Variants in NELL1 observed in about 807,000 individuals in gnomAD.
NELL1 encodes protein kinase C-binding protein NELL1.
NELL1 carries 76 observed loss-of-function variants against 107.4 expected under a neutral mutation model. The ratio of observed to expected loss-of-function variants is 0.71; its 90% CI spans 0.59 to 0.86. The LOEUF (loss-of-function observed/expected upper bound fraction) is 0.86, where lower values mean the gene tolerates loss of function less well. NELL1 is among the 40% of genes least tolerant of loss of function. The pLI is 0.00. For missense variants in NELL1, 1,024 were observed against 1,005.5 expected (o/e 1.02, Z -0.25); for synonymous variants, 353 against 341.2 (o/e 1.03, Z -0.38).
chr11:20,983,267 T>G (rs2134246674), intron 12 of NELL1, among the ~76,000 whole-genome samples: 1 of 152,304 alleles, frequency 6.6e-6, no homozygotes, highest in East Asian at 1.9e-4. Context: ...TGGCTCGCTT[T>G]CCTTTCCTCA....
intron 2 of NELL1, among the ~76,000 whole-genome samples, chr11:20,726,505 A>G (rs12363321): frequency 0.12 from 18,215 of 151,818 alleles, 1,203 homozygotes; most frequent in Non-Finnish European, 0.15. Context: ...TGAACTTTAC[A>G]CAAGTTGAAC....
chr11:20,888,596 T>G (rs1459552814), intron 5 of NELL1, among the ~76,000 whole-genome samples: 1 of 152,166 alleles, frequency 6.6e-6, no homozygotes, highest in Non-Finnish European at 1.5e-5. Context: ...AAGACATTAA[T>G]TCTCATTACT....
At chr11:20,775,601 G>A (rs1427514364) in intron 2 of NELL1, among the ~76,000 whole-genome samples, 1 of 152,122 alleles carries the variant, frequency 6.6e-6, no homozygotes, top group Admixed American at 6.5e-5. Flanking sequence ...GGGGATGAGG[G>A]GGATGGGGAT....
At chr11:21,383,719 T>C (rs1038951343) in intron 15 of NELL1, 3 of 149,804 alleles carry the variant, frequency 2.0e-5, no homozygotes, top group African/African-American at 7.3e-5. Context: ...AAGTATGATA[T>C]TAATAAAAAG....
intron 13 of NELL1, among the ~76,000 whole-genome samples, chr11:21,177,725 C>A (rs1856742719): frequency 2.0e-5 from 3 of 151,822 alleles, no homozygotes; most frequent in Non-Finnish European, 4.4e-5. Context: ...TACTAATTTA[C>A]ATTCCTACCA....
intron 14 of NELL1, among the ~76,000 whole-genome samples, chr11:21,310,738 G>C (rs1311506118): frequency 6.6e-6 from 1 of 151,984 alleles, no homozygotes; most frequent in Non-Finnish European, 1.5e-5. Context: ...TATAGGCTAT[G>C]TATAGAATGG....
rs532783954 is a variant in NELL1, at chr11:21,394,969, A to G, written c.1645+24021A>G. On this transcript the variant is annotated intron_variant, in intron 15 of 19. Transcript: ENST00000357134. ...CTACCAATTGTAGTGGGACTCAGATAGTATGTGATTGTTTAGATTGATGAG... is the reference window on the plus strand; with the variant it reads ...CTACCAATTGTAGTGGGACTCAGATGGTATGTGATTGTTTAGATTGATGAG... 4.0e-5 allele frequency among the ~76,000 whole-genome samples: 6 copies of G among 151,598 alleles called. No individual in the cohort carries two copies. The South Asian group carries it at 1.2e-3, about 31-fold the overall frequency.
intron 15 of NELL1, among the ~76,000 whole-genome samples, chr11:21,437,577 T>C (rs1853156301): frequency 6.6e-6 from 1 of 152,222 alleles, no homozygotes; most frequent in Non-Finnish European, 1.5e-5. Context: ...CACTCTGGTC[T>C]CGAACTCCCG....
At chr11:20,713,345 T>C (rs2133898630) in intron 2 of NELL1, among the ~76,000 whole-genome samples, 1 of 152,146 alleles carries the variant, frequency 6.6e-6, no homozygotes, top group South Asian at 2.1e-4. Context: ...CTGCAGCCAC[T>C]GTGAGGGCTG....
chr11:20,822,936 TG>T (rs1029486184), intron 3 of NELL1, among the ~76,000 whole-genome samples: 1 of 152,108 alleles, frequency 6.6e-6, no homozygotes, highest in Non-Finnish European at 1.5e-5. Context: ...TAGTTTGCAG[TG>T]GGGAGCATGA....
At chr11:21,355,396 G>A (rs146666848) in intron 14 of NELL1, among the ~76,000 whole-genome samples, 45 of 152,310 alleles carry the variant, frequency 3.0e-4, no homozygotes, top group Non-Finnish European at 6.2e-4. Flanking sequence ...ACTATGCCAA[G>A]TGCTTTACAT....
rs565804529 is a variant in NELL1, at chr11:20,697,396, T to C, written c.184+19336T>C. Among the ~76,000 whole-genome samples, 1,112 of 114,254 alleles carry C rather than the reference T, an allele frequency of 9.7e-3. 11 individuals carry two copies. The highest frequency in any genetic ancestry group is 0.037 in the African/African-American group (1,042 of 28,282). 75.0% of individuals were successfully genotyped at this position (114,254 alleles called of 152,430 possible). On this transcript the variant is annotated intron_variant, in intron 2 of 19. Coordinates refer to ENST00000357134, the MANE Select transcript of NELL1 (RefSeq NM_006157.5). Reference sequence around the variant, plus strand: ...GAGTGCAAATTCTTTAATATGTTGCTTTTTTTTTTTTTTTTCCTGCCAGGA... The same window carrying C: ...GAGTGCAAATTCTTTAATATGTTGCCTTTTTTTTTTTTTTTCCTGCCAGGA...
At chr11:21,309,421 A>G (rs1849700188) in intron 14 of NELL1, among the ~76,000 whole-genome samples, 1 of 151,024 alleles carries the variant, frequency 6.6e-6, no homozygotes, top group Non-Finnish European at 1.5e-5. Flanking sequence ...TACTTCCACA[A>G]TAAGAAATGA....
At chr11:21,436,647 G>T (rs1047597181) in intron 15 of NELL1, among the ~76,000 whole-genome samples, 4 of 151,760 alleles carry the variant, frequency 2.6e-5, no homozygotes, top group Non-Finnish European at 5.9e-5. Flanking sequence ...TTTCTGCTCT[G>T]ATATTCATTA....
chr11:21,493,400 CTCCATA>C (rs1259156332), intron 15 of NELL1, among the ~76,000 whole-genome samples: 1 of 152,010 alleles, frequency 6.6e-6, no homozygotes, highest in Non-Finnish European at 1.5e-5. Context: ...AGTACTATTT[CTCCATA>C]GAAAAGAATG....
intron 15 of NELL1, among the ~76,000 whole-genome samples, chr11:21,466,197 T>G (rs945719824): frequency 2.6e-5 from 4 of 152,166 alleles, no homozygotes; most frequent in African/African-American, 9.6e-5. Flanking sequence ...TCCAGCACAA[T>G]GCATTGCCCT....
chr11:20,837,985 A>C (rs957371349), intron 3 of NELL1, among the ~76,000 whole-genome samples: 1 of 152,016 alleles, frequency 6.6e-6, no homozygotes, highest in African/African-American at 2.4e-5. Context: ...CCTTCCAAAG[A>C]GGACAGTATA....
intron 14 of NELL1, among the ~76,000 whole-genome samples, chr11:21,335,705 G>T (rs7939235): frequency 0.5 from 76,427 of 151,504 alleles, 19,584 homozygotes; most frequent in Admixed American, 0.62. Flanking sequence ...CTCTAAAAAC[G>T]CAAATCCATT....
intron 15 of NELL1, among the ~76,000 whole-genome samples, chr11:21,389,365 A>G (rs1421065236): frequency 6.6e-6 from 1 of 151,792 alleles, no homozygotes; most frequent in Non-Finnish European, 1.5e-5. Flanking sequence ...TTATGCTTTT[A>G]AATTTAAGTC....
Sources: allele counts gnomAD v4.1 joint callset (sites outside exome capture counted in the v4.1 genomes callset), GRCh38; gene constraint gnomAD v4.1.1; transcripts MANE v1.5; gene names NCBI Gene and HGNC (gene_info 2026-07-23, HGNC 2026-07-21).